Variants in MED13 observed in about 807,000 individuals in gnomAD.
MED13 encodes mediator complex subunit 13.
Under a neutral mutation model 225.2 loss-of-function variants are expected in MED13, and 23 were observed. The ratio of observed to expected loss-of-function variants is 0.10; its 90% CI spans 0.07 to 0.14. The LOEUF is 0.14. MED13 is among the 10% of genes least tolerant of loss of function. The probability of loss-of-function intolerance (pLI) is 1.00; values close to 1 mark genes in which losing one functional copy is unlikely to be tolerated. For synonymous variants in MED13, 942 were observed against 889.2 expected, an observed-to-expected ratio of 1.06 and a Z score of -1.06; for missense variants, 2,197 against 2,594.5, an observed-to-expected ratio of 0.85 and a Z score of 3.33.
At chr17:61,992,296 T>C (rs2080306422) in intron 11 of MED13, among the ~76,000 whole-genome samples, 3 of 152,184 alleles carry the variant, frequency 2.0e-5, no homozygotes, top group African/African-American at 7.2e-5. Flanking sequence ...GAGTTTTTAA[T>C]AGAAAACTAT....
intron 8 of MED13, among the ~76,000 whole-genome samples, chr17:62,015,933 T>C (rs541389254): frequency 1.3e-4 from 1 of 7,904 alleles, no homozygotes; most frequent in African/African-American, 3.0e-4. Context: ...TATATATATA[T>C]ATATATATAT....
At position 62,011,170 on chromosome 17, in the gene MED13, T is replaced by C. The variant is rs763958917; in HGVS notation, c.1347A>G (p.Gln449=). ...TCTTGTGCTTAGGAAGTATTTGTTG[T>C]TGCTGACCTAAAGATGGTGCCTGTC... ...QQGQAPSLGQ[Q]QQILPKHKTN... The change falls in exon 9 of 30, where the codon CAA becomes CAG. Residue 449 remains glutamine, a synonymous_variant. Coordinates refer to ENST00000397786, the MANE Select transcript of MED13 (RefSeq NM_005121.3). 14 of 1,614,098 alleles carry C rather than the reference T, an allele frequency of 8.7e-6. No individual in the cohort carries two copies. The South Asian group carries it at 1.2e-4, about 14-fold the overall frequency.
intron 8 of MED13, among the ~76,000 whole-genome samples, chr17:62,018,318 G>A (rs537292323): frequency 9.9e-5 from 15 of 152,138 alleles, no homozygotes; most frequent in Non-Finnish European, 1.5e-4. Flanking sequence ...AACAGTACAA[G>A]AATAAAAAAT....
intron 8 of MED13, among the ~76,000 whole-genome samples, chr17:62,023,195 TTGTC>T (rs2080666535): frequency 6.6e-6 from 1 of 152,314 alleles, no homozygotes; most frequent in Middle Eastern, 3.4e-3. Flanking sequence ...TTCATGTAAA[TTGTC>T]TGTTACAGTT....
chr17:61,944,376 T>C lies in MED13; in HGVS notation c.*2092A>G, dbSNP rs1305232566. ...TTTCCTTCAAATCTCAGACAAGTTT[T>C]TTTTTTTTTTTTAAAGAAAGTACAG... On this transcript the variant is annotated 3_prime_UTR_variant, in exon 30 of 30. Coordinates refer to ENST00000397786, the MANE Select transcript of MED13 (RefSeq NM_005121.3). 3 of 152,240 alleles carry C rather than the reference T, an allele frequency of 2.0e-5. 1 individual carries two copies. The South Asian group carries it at 6.2e-4, about 31-fold the overall frequency. 9.4% of individuals were successfully genotyped at this position (152,240 alleles called of 1,614,324 possible). A position where few individuals can be genotyped will look rare whatever the true frequency, so the allele number is the denominator to read the frequency against.
At position 62,055,397 on chromosome 17, in the gene MED13, C is replaced by CA. The variant is rs543829265; in HGVS notation, c.302-2693dup. On this transcript the variant is annotated intron_variant, in intron 2 of 29. Coordinates refer to ENST00000397786, the MANE Select transcript of MED13 (RefSeq NM_005121.3). Reference sequence around the variant, plus strand: ...ATAGCGAGACTCTGACTCAAAAAAACAAAAAAAAAAACCTTTGCAATAGTA... The same window carrying CA: ...ATAGCGAGACTCTGACTCAAAAAAACAAAAAAAAAAAACCTTTGCAATAGTA... 5.8e-3 allele frequency among the ~76,000 whole-genome samples: 788 copies of CA among 137,008 alleles called. 1 individual carries two copies. Among genetic ancestry groups the CA allele is most frequent in the African/African-American group, 0.015 (570 of 37,406 alleles). 89.9% of individuals were successfully genotyped at this position (137,008 alleles called of 152,430 possible). A position where few individuals can be genotyped will look rare whatever the true frequency, so the allele number is the denominator to read the frequency against.
At chr17:62,015,886 TACACACAC>T (rs1174840455) in intron 8 of MED13, among the ~76,000 whole-genome samples, 2 of 93,340 alleles carry the variant, frequency 2.1e-5, no homozygotes, top group African/African-American at 7.5e-5. Flanking sequence ...TGTATATATA[TACACACAC>T]ACACACATAC....
At chr17:61,962,039 G>A (rs7209648) in intron 21 of MED13, among the ~76,000 whole-genome samples, 11 of 152,260 alleles carry the variant, frequency 7.2e-5, no homozygotes, top group African/African-American at 2.4e-4. Flanking sequence ...TGTAATCCCA[G>A]CACTTTGGGA....
Position 62,010,905 on chromosome 17 carries a change from G to C in MED13, c.1612C>G (p.Pro538Ala). Residue 538 changes from proline (P) to alanine (A), a missense_variant, in exon 9 of 30, where the codon CCT (proline) becomes GCT (alanine). Physicochemically the swap from Pro to Ala is conservative, Grantham distance 27 (BLOSUM62 -1). Coordinates refer to ENST00000397786, the MANE Select transcript of MED13 (RefSeq NM_005121.3). The stretch of plus-strand genomic sequence containing the variant: ...TCATCAACCACATCACAAGGGTGAG[G>C]ACTAAGTGGGGGTGGTTGAGGTGAA... Reference protein sequence around the residue: ...ANSPQPPPLSPHPCDVVDEGV... With the variant: ...ANSPQPPPLSAHPCDVVDEGV... 6.2e-7 allele frequency: 1 copy of C among 1,613,634 alleles called. No homozygotes were observed. The highest frequency in any genetic ancestry group is 8.5e-7 in the Non-Finnish European group (1 of 1,179,538).
chr17:62,064,585 A>G (rs1056687730), intron 1 of MED13, among the ~76,000 whole-genome samples: 7 of 152,212 alleles, frequency 4.6e-5, no homozygotes, highest in Non-Finnish European at 8.8e-5. Flanking sequence ...AACATATGAA[A>G]TGGCACCTAC....
At chr17:61,993,660 T>G (rs1405492134) in intron 10 of MED13, among the ~76,000 whole-genome samples, 1 of 151,136 alleles carries the variant, frequency 6.6e-6, no homozygotes, top group Non-Finnish European at 1.5e-5. Flanking sequence ...CCAGGCACGG[T>G]GGCTCACGCC....
At chr17:61,988,182 T>C (rs1245806506) in intron 11 of MED13, among the ~76,000 whole-genome samples, 2 of 152,202 alleles carry the variant, frequency 1.3e-5, no homozygotes. Context: ...AATGTCTCTG[T>C]GCCTCAATAC....
rs533407614 is a variant in MED13 at position 62,009,544 on chromosome 17, A to C, written c.1967+1006T>G. Among the ~76,000 whole-genome samples, 10 of 152,352 alleles carry C rather than the reference A, an allele frequency of 6.6e-5. No homozygotes were observed. In the East Asian group the frequency reaches 1.9e-3, roughly 29 times the overall value. On this transcript the variant is annotated intron_variant, in intron 9 of 29. Transcript: ENST00000397786. Reference sequence around the variant, plus strand: ...AATGAGATGACATTTTGCATGCTGTAAATTACTGAAATTAAATCTTGTAAG... The same window carrying C: ...AATGAGATGACATTTTGCATGCTGTCAATTACTGAAATTAAATCTTGTAAG...
At chr17:62,033,615 G>A (rs908103984) in intron 5 of MED13, among the ~76,000 whole-genome samples, 172 bp downstream of exon 5, 6 of 152,202 alleles carry the variant, frequency 3.9e-5, no homozygotes, top group Non-Finnish European at 5.9e-5. Context: ...GCAGATACAT[G>A]GAGCCAAACC....
chr17:61,989,993 C>A (rs916347772), intron 11 of MED13, among the ~76,000 whole-genome samples: 7 of 152,142 alleles, frequency 4.6e-5, no homozygotes, highest in African/African-American at 1.4e-4. Flanking sequence ...GCTACCTAGA[C>A]CATTTGTTCA....
chr17:61,989,592 C>T (rs934912915), intron 11 of MED13, among the ~76,000 whole-genome samples: 1 of 152,238 alleles, frequency 6.6e-6, no homozygotes, highest in East Asian at 1.9e-4. Flanking sequence ...CCCACCTTGG[C>T]CTCCCAAAGT....
intron 17 of MED13, among the ~76,000 whole-genome samples, chr17:61,972,341 G>T (rs996053904): frequency 2.0e-5 from 3 of 151,850 alleles, no homozygotes; most frequent in African/African-American, 7.3e-5. Flanking sequence ...GACCTTAGGG[G>T]GCCTTTTATC....
intron 8 of MED13, among the ~76,000 whole-genome samples, chr17:62,015,575 TTTTA>T (rs2080555357): frequency 6.6e-6 from 1 of 151,656 alleles, no homozygotes; most frequent in Non-Finnish European, 1.5e-5. Context: ...GAACTTTTAA[TTTTA>T]TTTATTTAAC....
chr17:61,983,581 G>C (rs974726279), intron 15 of MED13, among the ~76,000 whole-genome samples: 1 of 152,158 alleles, frequency 6.6e-6, no homozygotes, highest in Non-Finnish European at 1.5e-5. Flanking sequence ...GACCAAGTCA[G>C]AGATGTTAAA....
Sources: allele counts gnomAD v4.1 joint callset (sites outside exome capture counted in the v4.1 genomes callset), GRCh38; gene constraint gnomAD v4.1.1; transcripts MANE v1.5; gene names NCBI Gene and HGNC (gene_info 2026-07-23, HGNC 2026-07-21).